Variants in AUTS2 observed in about 807,000 individuals in gnomAD.
AUTS2 encodes the protein autism susceptibility gene 2 protein.
Under a neutral mutation model 112.4 loss-of-function variants are expected in AUTS2, and 17 were observed. The ratio of observed to expected loss-of-function variants is 0.15; its 90% CI spans 0.10 to 0.23. The LOEUF is 0.23. AUTS2 is among the 10% of genes least tolerant of loss of function. AUTS2 has a pLI of 1.00. For synonymous variants in AUTS2, 751 were observed against 702.7 expected, an observed-to-expected ratio of 1.07 and a Z score of -1.09; for missense variants, 1,510 against 1,701.6, an observed-to-expected ratio of 0.89 and a Z score of 1.98.
At chr7:70,196,515 A>G (rs1185635611) in intron 4 of AUTS2, among the ~76,000 whole-genome samples, 1 of 151,870 alleles carries the variant, frequency 6.6e-6, no homozygotes, top group African/African-American at 2.4e-5. Flanking sequence ...GTCACTTGGA[A>G]CCCCCTCATG....
At chr7:70,107,270 A>AT (rs576708733) in intron 2 of AUTS2, among the ~76,000 whole-genome samples, 65 of 151,034 alleles carry the variant, frequency 4.3e-4, no homozygotes, top group Non-Finnish European at 9.1e-4. Flanking sequence ...ACTAGCACAC[A>AT]TGATACTTTT....
rs148997012 is a variant in AUTS2 at position 70,149,021 on chromosome 7, A to C, written c.660+14450A>C. Among the ~76,000 whole-genome samples, 75 of 152,140 alleles carry C rather than the reference A, an allele frequency of 4.9e-4. 1 individual carries two copies. In the East Asian group the frequency reaches 0.013, roughly 26 times the overall value. ...TCACTTTCCATGTTCTGTTCTCATT[A>C]TGTTCTTTCATATTTTGGAACAAAA... On this transcript the variant is annotated intron_variant, in intron 4 of 18. Transcript: ENST00000342771.
intron 4 of AUTS2, among the ~76,000 whole-genome samples, chr7:70,217,831 A>G (rs1811251866): frequency 6.6e-6 from 1 of 152,230 alleles, no homozygotes. Context: ...TGTTTATGGC[A>G]GAAGAAAGGC....
intron 5 of AUTS2, among the ~76,000 whole-genome samples, chr7:70,626,396 C>G (rs7808052): frequency 1.2e-4 from 16 of 135,266 alleles, no homozygotes; most frequent in Admixed American, 8.0e-4. Context: ...TATGTAAAAA[C>G]TTTTTTTTTT....
At chr7:70,278,626 T>C (rs958117588) in intron 4 of AUTS2, among the ~76,000 whole-genome samples, 11 of 144,236 alleles carry the variant, frequency 7.6e-5, no homozygotes, top group South Asian at 4.7e-4. Flanking sequence ...TACATACATA[T>C]GTACATGCAT....
chr7:70,218,931 T>A (rs188895321), intron 4 of AUTS2, among the ~76,000 whole-genome samples: 34 of 152,262 alleles, frequency 2.2e-4, no homozygotes, highest in African/African-American at 7.0e-4. Flanking sequence ...GTGGAGTAAA[T>A]CTTGATACTC....
intron 1 of AUTS2, among the ~76,000 whole-genome samples, chr7:69,678,206 A>G (rs908079743): frequency 1.3e-5 from 2 of 152,024 alleles, no homozygotes; most frequent in African/African-American, 4.8e-5. Context: ...TCCTCATGCA[A>G]GCATTTCTTG....
intron 5 of AUTS2, among the ~76,000 whole-genome samples, chr7:70,696,981 G>T (rs764077811): frequency 2.7e-4 from 41 of 152,090 alleles, no homozygotes; most frequent in Non-Finnish European, 2.9e-4. Context: ...TTCATGAAAG[G>T]ATGGTAAAAT....
At chr7:69,876,349 A>AAAAAAAATAT (rs1554396465) in intron 1 of AUTS2, among the ~76,000 whole-genome samples, 2 of 29,494 alleles carry the variant, frequency 6.8e-5, no homozygotes, top group African/African-American at 2.9e-4. Flanking sequence ...AAAAAAAAAA[A>AAAAAAAATAT]ATATATATAT....
intron 5 of AUTS2, among the ~76,000 whole-genome samples, chr7:70,609,587 T>TG (rs1803969504): frequency 6.9e-6 from 1 of 144,054 alleles, no homozygotes; most frequent in Non-Finnish European, 1.5e-5. Context: ...TTTGTTTTTT[T>TG]TTTTTGTTGT....
At chr7:70,373,525 CA>C (rs1017564237) in intron 4 of AUTS2, among the ~76,000 whole-genome samples, 9 of 151,970 alleles carry the variant, frequency 5.9e-5, no homozygotes, top group Non-Finnish European at 2.9e-5. Context: ...GCATTTTTCC[CA>C]AACTATCTTT....
At chr7:70,214,193 T>A (rs1811059597) in intron 4 of AUTS2, among the ~76,000 whole-genome samples, 2 of 152,198 alleles carry the variant, frequency 1.3e-5, no homozygotes, top group South Asian at 4.1e-4. Flanking sequence ...GGTGGCTTAA[T>A]TAGGCAAGTT....
intron 1 of AUTS2, among the ~76,000 whole-genome samples, chr7:69,727,376 G>C (rs370145092): frequency 7.9e-5 from 12 of 152,014 alleles, no homozygotes; most frequent in African/African-American, 2.9e-4. Flanking sequence ...TGGATCACGA[G>C]GTCAGGAGTT....
intron 5 of AUTS2, among the ~76,000 whole-genome samples, chr7:70,613,241 C>CTGTG (rs71077668): frequency 2.1e-4 from 31 of 147,730 alleles, no homozygotes; most frequent in African/African-American, 4.7e-4. Context: ...GTGTGTGTGT[C>CTGTG]TGTGTGTGTG....
intron 1 of AUTS2, among the ~76,000 whole-genome samples, chr7:69,876,619 G>A (rs946556030): frequency 6.9e-6 from 1 of 144,124 alleles, no homozygotes; most frequent in African/African-American, 2.5e-5. Flanking sequence ...ATATTTGATA[G>A]GTGTGAGACA....
intron 6 of AUTS2, among the ~76,000 whole-genome samples, chr7:70,761,489 C>A (rs1789560410): frequency 6.6e-6 from 1 of 152,194 alleles, no homozygotes; most frequent in African/African-American, 2.4e-5. Context: ...TTCTTTTTCT[C>A]TTTTGAAATT....
chr7:69,709,611 C>A (rs562681039), intron 1 of AUTS2, among the ~76,000 whole-genome samples: 47 of 152,282 alleles, frequency 3.1e-4, no homozygotes, highest in Admixed American at 2.2e-3. Context: ...TGAAACCACC[C>A]GTCTGAGTGC....
intron 1 of AUTS2, among the ~76,000 whole-genome samples, chr7:69,884,679 G>C (rs1321288345): frequency 6.6e-6 from 1 of 152,144 alleles, no homozygotes; most frequent in Non-Finnish European, 1.5e-5. Context: ...ACAAGCCTGT[G>C]GCTTGTTTAA....
At chr7:70,733,913 C>T (rs1435380679) in intron 6 of AUTS2, among the ~76,000 whole-genome samples, 1 of 151,908 alleles carries the variant, frequency 6.6e-6, no homozygotes, top group East Asian at 1.9e-4. Context: ...CACATAAATC[C>T]AGGCTATTTT....
Sources: gnomAD v4.1 joint callset for allele counts (sites outside exome capture counted in the v4.1 genomes callset) on GRCh38, gnomAD v4.1.1 for gene constraint, MANE v1.5 for transcripts, NCBI Gene and HGNC (gene_info 2026-07-23, HGNC 2026-07-21) for gene names.